PLCH1: variants seen among roughly 807,000 people sequenced by gnomAD.
PLCH1 encodes 1-phosphatidylinositol 4,5-bisphosphate phosphodiesterase eta-1.
In PLCH1, 60 loss-of-function variants were observed where a neutral mutation model predicts 126.7. That is an observed-to-expected ratio of 0.47 (90% CI 0.38 to 0.59). PLCH1 has a LOEUF of 0.59. Among genes scored for constraint, PLCH1 ranks in the 20% least tolerant of loss-of-function variants. PLCH1 has a pLI of 0.00. For synonymous variants in PLCH1, 719 were observed against 734.9 expected (o/e 0.98, Z 0.35); for missense variants, 1,723 against 2,040.0 (o/e 0.84, Z 2.99).
At chr3:155,489,321 G>T (rs1244742330) in intron 19 of PLCH1, among the ~76,000 whole-genome samples, 1 of 152,006 alleles carries the variant, frequency 6.6e-6, no homozygotes, top group Non-Finnish European at 1.5e-5. Flanking sequence ...TTTTTTAGAG[G>T]ATGTTTAGAG....
rs753258422 is a variant in PLCH1, at chr3:155,659,302, C to CTTTTTTTTTTT, written c.79+44833_79+44843dup. Among the ~76,000 whole-genome samples the CTTTTTTTTTTT allele has an allele frequency of 8.8e-4, 27 of 30,846 alleles. 5 individuals carry two copies. The highest frequency in any genetic ancestry group is 2.0e-3 in the East Asian group (2 of 1,004). The allele number at this position is 30,846 out of a possible 152,430, so 20.2% of individuals were successfully genotyped here. ...CCAGGCGTGAGATGTCTATTCACTT[C>CTTTTTTTTTTT]TTTTTTTTTTTTTTTTTTTTTTTTT... On this transcript the variant is annotated intron_variant, in intron 2 of 22. Transcript: ENST00000460012.
intron 19 of PLCH1, among the ~76,000 whole-genome samples, chr3:155,489,954 A>G (rs1362309273): frequency 6.6e-6 from 1 of 152,174 alleles, no homozygotes; most frequent in Non-Finnish European, 1.5e-5. Context: ...TGACCTCTCA[A>G]TTATTTCTGA....
chr3:155,510,919 GA>G (rs1719369679), intron 12 of PLCH1, among the ~76,000 whole-genome samples: 1 of 107,442 alleles, frequency 9.3e-6, no homozygotes, highest in Non-Finnish European at 1.8e-5. Context: ...CTAGATTGGG[GA>G]AGTTCTCCTG....
intron 10 of PLCH1, among the ~76,000 whole-genome samples, chr3:155,547,389 A>C (rs1316563349): frequency 6.9e-6 from 1 of 144,312 alleles, no homozygotes; most frequent in Admixed American, 7.0e-5. Flanking sequence ...GTCAGGAAAC[A>C]ACAGGTGCTG....
intron 1 of PLCH1, among the ~76,000 whole-genome samples, chr3:155,739,901 A>G (rs549087519): frequency 6.6e-6 from 1 of 152,346 alleles, no homozygotes; most frequent in African/African-American, 2.4e-5. Flanking sequence ...ATTAATGTTC[A>G]CTTCCTCCTT....
chr3:155,544,565 T>C (rs1037257602), intron 10 of PLCH1, among the ~76,000 whole-genome samples: 33 of 152,166 alleles, frequency 2.2e-4, no homozygotes, highest in African/African-American at 4.3e-4. Context: ...ACTCTCCACC[T>C]CAAATCAACA....
chr3:155,497,761 C>G (rs2108117964), intron 14 of PLCH1, among the ~76,000 whole-genome samples: 1 of 152,288 alleles, frequency 6.6e-6, no homozygotes, highest in South Asian at 2.1e-4. Context: ...GTTGCCCAAG[C>G]TGCAGTGCAG....
At chr3:155,729,111 A>C (rs1748565230) in intron 1 of PLCH1, among the ~76,000 whole-genome samples, 1 of 152,236 alleles carries the variant, frequency 6.6e-6, no homozygotes, top group Non-Finnish European at 1.5e-5. Flanking sequence ...TTCATACATA[A>C]GGATGTCCAA....
chr3:155,647,349 G>T (rs149985575), intron 2 of PLCH1, among the ~76,000 whole-genome samples: 4 of 151,768 alleles, frequency 2.6e-5, no homozygotes, highest in Non-Finnish European at 4.4e-5. Context: ...GATGAAAGAC[G>T]CTTGACTGCC....
intron 2 of PLCH1, among the ~76,000 whole-genome samples, chr3:155,686,407 T>C (rs1744942662): frequency 6.6e-6 from 1 of 152,174 alleles, no homozygotes; most frequent in Admixed American, 6.5e-5. Context: ...GCTTGGGGAA[T>C]AAGGACCCAT....
intron 2 of PLCH1, among the ~76,000 whole-genome samples, chr3:155,638,292 A>G (rs2082199612): frequency 6.6e-6 from 1 of 152,198 alleles, no homozygotes; most frequent in Admixed American, 6.5e-5. Flanking sequence ...TATCACCCCA[A>G]TAAATACTCT....
chr3:155,545,135 C>T (rs1358720275), intron 10 of PLCH1, among the ~76,000 whole-genome samples: 4 of 151,268 alleles, frequency 2.6e-5, no homozygotes, highest in Admixed American at 1.3e-4. Flanking sequence ...ATTGATAGAC[C>T]GCTAGCAAGA....
At chr3:155,577,783 A>G (rs556102782) in intron 6 of PLCH1, among the ~76,000 whole-genome samples, 1 of 152,350 alleles carries the variant, frequency 6.6e-6, no homozygotes, top group African/African-American at 2.4e-5. Context: ...GCCCCTTAGC[A>G]AGTGACATCC....
Position 155,542,788 on chromosome 3 carries a change from G to A in PLCH1, c.1362+6999C>T, listed in dbSNP as rs1439867793. ...TACCCAGGCAAACAGGGTCTGGAGTGGACCTCTAGCAAACTCCAACAGACC... is the reference window on the plus strand; with the variant it reads ...TACCCAGGCAAACAGGGTCTGGAGTAGACCTCTAGCAAACTCCAACAGACC... On this transcript the variant is annotated intron_variant, in intron 10 of 22. Coordinates refer to ENST00000460012, the MANE Select transcript of PLCH1 (RefSeq NM_014996.4). Among the ~76,000 whole-genome samples the A allele has an allele frequency of 4.6e-5, 7 of 152,192 alleles. No homozygotes were observed. The East Asian group carries it at 1.2e-3, about 25-fold the overall frequency.
chr3:155,557,314 A>T (rs1270716915), intron 8 of PLCH1, among the ~76,000 whole-genome samples: 1 of 152,252 alleles, frequency 6.6e-6, no homozygotes, highest in Non-Finnish European at 1.5e-5. Context: ...GAGAAGAAAG[A>T]GCATAACAGG....
At position 155,524,022 on chromosome 3, in the gene PLCH1, A is replaced by C. The variant is rs1335734360; in HGVS notation, c.1363-18T>G. 7.3e-7 allele frequency: 1 copy of C among 1,374,892 alleles called. No individual in the cohort carries two copies. Among genetic ancestry groups the C allele is most frequent in the Non-Finnish European group, 1.0e-6 (1 of 970,074 alleles). The allele number at this position is 1,374,892 out of a possible 1,614,324, so 85.2% of individuals were successfully genotyped here. A position where few individuals can be genotyped will look rare whatever the true frequency, so the allele number is the denominator to read the frequency against. ...TTCTTACCCTGAAATGGAACAAAAC[A>C]TCCCATTTAAAAATGAGAATAAATT... On this transcript the variant is annotated intron_variant, in intron 10 of 22. Transcript: ENST00000460012.
At chr3:155,630,312 G>C (rs955180341) in intron 2 of PLCH1, among the ~76,000 whole-genome samples, 2 of 152,204 alleles carry the variant, frequency 1.3e-5, no homozygotes, top group African/African-American at 2.4e-5. Context: ...ATCTGATGAA[G>C]AGCCAACACA....
chr3:155,485,656 A>T lies in PLCH1; in HGVS notation c.2674T>A (p.Ser892Thr), dbSNP rs1434233149. Residue 892 changes from serine to threonine, a missense_variant, in exon 22 of 23, where the codon TCT becomes ACT. Coordinates refer to ENST00000460012, the MANE Select transcript of PLCH1 (RefSeq NM_014996.4). The stretch of plus-strand genomic sequence containing the variant: ...ACATAATGGGAATTGTTTTCTGAAG[A>T]ACTGTGCCTAGGATTCTTATTGAAC... ...GLFNKNPRHSSSENNSHYVRK... is the reference protein window; with the variant it reads ...GLFNKNPRHSTSENNSHYVRK... 1 of 1,608,094 alleles carries T rather than the reference A, an allele frequency of 6.2e-7. No individual in the cohort carries two copies. The highest frequency in any genetic ancestry group is 8.5e-7 in the Non-Finnish European group (1 of 1,179,970).
chr3:155,681,242 T>C (rs1299090112), intron 2 of PLCH1, among the ~76,000 whole-genome samples: 2 of 152,200 alleles, frequency 1.3e-5, no homozygotes, highest in Non-Finnish European at 2.9e-5. Flanking sequence ...AGAAAAAGAA[T>C]ATAATCTCTT....
Sources: gnomAD v4.1 joint callset for allele counts (sites outside exome capture counted in the v4.1 genomes callset) on GRCh38, gnomAD v4.1.1 for gene constraint, MANE v1.5 for transcripts, NCBI Gene and HGNC (gene_info 2026-07-23, HGNC 2026-07-21) for gene names.